CDH20: variants seen among roughly 807,000 people sequenced by gnomAD.
CDH20 encodes the protein cadherin-20.
In CDH20, 29 loss-of-function variants were observed where a neutral mutation model predicts 74.2. The ratio of observed to expected loss-of-function variants is 0.39; its 90% CI spans 0.29 to 0.53. The LOEUF is 0.53. Ranked by LOEUF, CDH20 falls within the 20% of genes least tolerant of loss-of-function variation. The pLI is 0.69. For synonymous variants in CDH20, 469 were observed against 405.4 expected (o/e 1.16, Z -1.88); for missense variants, 988 against 1,048.3 (o/e 0.94, Z 0.79).
At chr18:61,371,641 GC>G (rs1460897875) in intron 1 of CDH20, among the ~76,000 whole-genome samples, 1 of 152,040 alleles carries the variant, frequency 6.6e-6, no homozygotes, top group Non-Finnish European at 1.5e-5. Context: ...ACTGACAGCT[GC>G]CCAGAGGGTT....
intron 1 of CDH20, among the ~76,000 whole-genome samples, chr18:61,335,523 T>G (rs559931811): frequency 6.6e-6 from 1 of 152,314 alleles, no homozygotes; most frequent in African/African-American, 2.4e-5. Context: ...GGAAGTGTTA[T>G]AAATTGGAAC....
intron 1 of CDH20, among the ~76,000 whole-genome samples, chr18:61,400,282 C>T (rs1402648503): frequency 3.3e-5 from 5 of 152,178 alleles, no homozygotes; most frequent in African/African-American, 1.2e-4. Flanking sequence ...CTCCAGCCTG[C>T]TAATGAGCAT....
At chr18:61,544,149 G>A (rs1487074271) in intron 9 of CDH20, among the ~76,000 whole-genome samples, 2 of 152,200 alleles carry the variant, frequency 1.3e-5, no homozygotes, top group East Asian at 1.9e-4. Context: ...CACATGGAAC[G>A]GGAGAGTTCC....
intron 7 of CDH20, 59 bp from the exon 8 acceptor site, chr18:61,536,434 G>T (rs1370502756): frequency 1.4e-6 from 2 of 1,437,534 alleles, no homozygotes; most frequent in Non-Finnish European, 1.9e-6. Flanking sequence ...TGTCTCATGT[G>T]GTATGCTGTC....
intron 1 of CDH20, among the ~76,000 whole-genome samples, chr18:61,417,410 G>C (rs1161937926): frequency 6.6e-6 from 1 of 151,530 alleles, no homozygotes; most frequent in Non-Finnish European, 1.5e-5. Context: ...TGAATGAATG[G>C]GTAATGAAAT....
intron 2 of CDH20, among the ~76,000 whole-genome samples, chr18:61,493,720 C>T (rs1911039132): frequency 6.6e-6 from 1 of 152,248 alleles, no homozygotes; most frequent in Non-Finnish European, 1.5e-5. Flanking sequence ...CTTGTATCTA[C>T]TCAGAATTCC....
chr18:61,416,990 C>A (rs997468269), intron 1 of CDH20, among the ~76,000 whole-genome samples: 1 of 152,064 alleles, frequency 6.6e-6, no homozygotes, highest in African/African-American at 2.4e-5. Context: ...TATAAAGCAC[C>A]AGAAAAATAT....
Position 61,499,369 on chromosome 18 carries a change from C to T in CDH20, c.430C>T (p.Pro144Ser). The change falls in exon 3 of 12, where the codon CCA becomes TCA. Residue 144 changes from proline to serine, a missense_variant. This residue lies in a region of CDH20 where 613 missense variants were observed against 755.2 expected (regional missense o/e 0.81). Coordinates refer to ENST00000262717, the MANE Select transcript of CDH20 (RefSeq NM_031891.4). Reference protein sequence around the residue: ...AQALDRRTGRPMEPESEFIIK... With the variant: ...AQALDRRTGRSMEPESEFIIK... ...AGCCCTAGACAGGCGGACGGGCAGG[C>T]CAATGGAGCCCGAGTCAGAGTTCAT... 6.2e-7 allele frequency: 1 copy of T among 1,614,050 alleles called. No homozygotes were observed. The highest frequency in any genetic ancestry group is 8.5e-7 in the Non-Finnish European group (1 of 1,179,968).
At chr18:61,429,714 C>T (rs540476642) in intron 1 of CDH20, among the ~76,000 whole-genome samples, 3 of 152,274 alleles carry the variant, frequency 2.0e-5, no homozygotes, top group East Asian at 1.9e-4. Context: ...CAAATCACCT[C>T]GGCAATTCTC....
chr18:61,468,374 GT>G (rs1910041022), intron 1 of CDH20, among the ~76,000 whole-genome samples: 1 of 152,150 alleles, frequency 6.6e-6, no homozygotes, highest in African/African-American at 2.4e-5. Flanking sequence ...CGCTAAGGAT[GT>G]TCTGAGTGAA....
At chr18:61,501,394 TA>T (rs1911380174) in intron 4 of CDH20, among the ~76,000 whole-genome samples, 1 of 152,154 alleles carries the variant, frequency 6.6e-6, no homozygotes, top group South Asian at 2.1e-4. Context: ...AATACTTTCA[TA>T]AACATTGCCA....
At chr18:61,335,153 C>A (rs1909717034) in intron 1 of CDH20, among the ~76,000 whole-genome samples, 1 of 152,188 alleles carries the variant, frequency 6.6e-6, no homozygotes, top group African/African-American at 2.4e-5. Context: ...GGCTGGGGAA[C>A]CCTGAAGGCA....
intron 1 of CDH20, among the ~76,000 whole-genome samples, chr18:61,422,216 C>T (rs1028315860): frequency 2.6e-5 from 4 of 152,118 alleles, no homozygotes; most frequent in Non-Finnish European, 4.4e-5. Flanking sequence ...TATTTCATTT[C>T]TCTTTCAAGA....
intron 6 of CDH20, among the ~76,000 whole-genome samples, chr18:61,524,927 A>C (rs946857087): frequency 2.6e-5 from 4 of 152,216 alleles, no homozygotes; most frequent in African/African-American, 9.6e-5. Flanking sequence ...TCTAAAAAAA[A>C]AAAACTCCTC....
intron 1 of CDH20, among the ~76,000 whole-genome samples, chr18:61,354,696 G>A (rs1190135526): frequency 6.6e-6 from 1 of 151,702 alleles, no homozygotes; most frequent in Non-Finnish European, 1.5e-5. Flanking sequence ...ATTACTTTTG[G>A]GGATCTAAAA....
chr18:61,412,501 CATGT>C (rs1398781343), intron 1 of CDH20, among the ~76,000 whole-genome samples: 4 of 151,944 alleles, frequency 2.6e-5, no homozygotes, highest in African/African-American at 9.7e-5. Context: ...TACACAGATA[CATGT>C]CCAAAAAAGA....
At chr18:61,402,444 A>G (rs1320600058) in intron 1 of CDH20, among the ~76,000 whole-genome samples, 1 of 152,202 alleles carries the variant, frequency 6.6e-6, no homozygotes, top group Non-Finnish European at 1.5e-5. Flanking sequence ...GGGGAAAAAA[A>G]AAGGAAATTG....
intron 1 of CDH20, among the ~76,000 whole-genome samples, chr18:61,410,222 C>A (rs903952447): frequency 2.0e-5 from 3 of 152,124 alleles, no homozygotes; most frequent in Non-Finnish European, 4.4e-5. Context: ...GGTCTCCTAA[C>A]ATGAGCACAT....
chr18:61,554,040 C>A, intron 11 of CDH20, 150 bp from the exon 12 acceptor site: 1 of 835,326 alleles, frequency 1.2e-6, no homozygotes, highest in Non-Finnish European at 1.8e-6. Flanking sequence ...TAAATTAGAA[C>A]TCCCCGAGGT....
Sources: gnomAD v4.1 joint callset for allele counts (sites outside exome capture counted in the v4.1 genomes callset) on GRCh38, gnomAD v4.1.1 for gene constraint, gnomAD v4.1.1 regional missense constraint, MANE v1.5 for transcripts, NCBI Gene and HGNC (gene_info 2026-07-23, HGNC 2026-07-21) for gene names.